LMBRD2: variants seen among roughly 807,000 people sequenced by gnomAD.
LMBRD2 encodes LMBR1 domain containing 2, also known as G protein-coupled receptor-associated protein LMBRD2.
A neutral mutation model predicts 94.4 loss-of-function variants in LMBRD2; 55 were observed. The ratio of observed to expected loss-of-function variants is 0.58; its 90% CI spans 0.47 to 0.73. LMBRD2 has a LOEUF of 0.73. Among genes scored for constraint, LMBRD2 ranks in the 30% least tolerant of loss-of-function variants. The pLI is 0.00. For missense variants in LMBRD2, 640 were observed against 831.9 expected (o/e 0.77, Z 2.84); for synonymous variants, 246 against 272.4 (o/e 0.90, Z 0.95).
In LMBRD2 at chr5:36,151,329, C is replaced by G. The variant is rs36232788; in HGVS notation, c.-58+227G>C. 0.032 allele frequency among the ~76,000 whole-genome samples: 4,947 copies of G among 152,296 alleles called. 277 individuals are homozygous for G. Among genetic ancestry groups the G allele is most frequent in the African/African-American group, 0.11 (4,657 of 41,550 alleles). ...GACCTGTCAAGGCTGCAAGGGCATG[C>G]GCAGCCTTCCCACCACACAGGACCC... is the stretch of plus-strand genomic sequence containing the variant. On this transcript the variant is annotated intron_variant, in intron 1 of 17. Coordinates refer to ENST00000296603, the MANE Select transcript of LMBRD2 (RefSeq NM_001007527.2). The surrounding 1 kb of genome is among the most constrained non-coding windows in gnomAD (Gnocchi z 4.7).
chr5:36,144,314 T>C (rs77302410), intron 1 of LMBRD2, among the ~76,000 whole-genome samples: 4,200 of 152,318 alleles, frequency 0.028, 89 homozygotes, highest in South Asian at 0.055. Context: ...TGTTAGACTT[T>C]TGTTTATCTA....
At chr5:36,134,876 T>C (rs1047016574) in intron 6 of LMBRD2, among the ~76,000 whole-genome samples, 1 of 152,114 alleles carries the variant, frequency 6.6e-6, no homozygotes. Flanking sequence ...AAATAGGAAT[T>C]AGCTGAAGAG....
At chr5:36,143,062 T>A (rs1477790223) in intron 2 of LMBRD2, 114 bp downstream of exon 2, 1 of 780,700 alleles carries the variant, frequency 1.3e-6, no homozygotes, top group Admixed American at 3.0e-5. Context: ...GGCCATATAA[T>A]CTTTTAATTC....
At chr5:36,107,676 A>G (rs1743504547) in intron 16 of LMBRD2, among the ~76,000 whole-genome samples, 1 of 152,148 alleles carries the variant, frequency 6.6e-6, no homozygotes, top group African/African-American at 2.4e-5. Context: ...GGTTTCTCTC[A>G]GTATTCTTTT....
intron 6 of LMBRD2, among the ~76,000 whole-genome samples, chr5:36,125,355 C>T (rs1743984412): frequency 6.6e-6 from 1 of 152,098 alleles, no homozygotes; most frequent in South Asian, 2.1e-4. Context: ...GGATACAAAA[C>T]TCAAGGCGGA....
rs1268504376 is a variant in LMBRD2 at position 36,103,924 on chromosome 5, C to A, written c.*122G>T. 1.4e-5 allele frequency: 9 copies of A among 636,420 alleles called. No individual in the cohort carries two copies. The highest frequency in any genetic ancestry group is 2.6e-5 in the Admixed American group (1 of 37,874). 39.4% of individuals were successfully genotyped at this position (636,420 alleles called of 1,614,324 possible). ...CCTAAGATATAATTAATTCTCAGTGCCTTTTTTGTTATCTTGACACTTTTC... is the reference window on the plus strand; with the variant it reads ...CCTAAGATATAATTAATTCTCAGTGACTTTTTTGTTATCTTGACACTTTTC... On this transcript the variant is annotated 3_prime_UTR_variant, in exon 18 of 18. Transcript: ENST00000296603.
At chr5:36,146,876 TCAAA>T (rs1369454971) in intron 1 of LMBRD2, among the ~76,000 whole-genome samples, 3 of 152,022 alleles carry the variant, frequency 2.0e-5, no homozygotes, top group Non-Finnish European at 2.9e-5. Flanking sequence ...ATCACCATAG[TCAAA>T]CAAATTAACA....
intron 13 of LMBRD2, 27 bp downstream of exon 13, chr5:36,114,397 A>C (rs746303366): frequency 6.5e-7 from 1 of 1,546,706 alleles, no homozygotes; most frequent in Non-Finnish European, 8.6e-7. Context: ...TTAAGAGCAA[A>C]AGAAAAAACA....
At chr5:36,115,889 C>G (rs1477643352) in intron 11 of LMBRD2, among the ~76,000 whole-genome samples, 1 of 152,060 alleles carries the variant, frequency 6.6e-6, no homozygotes, top group Non-Finnish European at 1.5e-5. Flanking sequence ...TCCCATGAGT[C>G]CATAATTATT....
At chr5:36,108,018 G>T (rs1743513212) in intron 16 of LMBRD2, among the ~76,000 whole-genome samples, 1 of 152,130 alleles carries the variant, frequency 6.6e-6, no homozygotes, top group African/African-American at 2.4e-5. Flanking sequence ...TGGGGTCAGT[G>T]ATACAAAGTT....
At chr5:36,129,780 C>A (rs1744090733) in intron 6 of LMBRD2, among the ~76,000 whole-genome samples, 1 of 152,118 alleles carries the variant, frequency 6.6e-6, no homozygotes, top group Non-Finnish European at 1.5e-5. Flanking sequence ...TGAAAAATAA[C>A]CAACCCAAAT....
At chr5:36,112,899 C>A (rs933681270) in intron 13 of LMBRD2, among the ~76,000 whole-genome samples, 2 of 152,124 alleles carry the variant, frequency 1.3e-5, no homozygotes, top group Non-Finnish European at 1.5e-5. Context: ...TAGTTTTAGG[C>A]ACACAAAGTA....
intron 6 of LMBRD2, among the ~76,000 whole-genome samples, chr5:36,129,305 C>T (rs1165256201): frequency 6.6e-6 from 1 of 151,986 alleles, no homozygotes; most frequent in East Asian, 1.9e-4. Flanking sequence ...TATCTCAAGA[C>T]ATTTAATAAT....
At chr5:36,133,002 T>TA (rs34516747) in intron 6 of LMBRD2, among the ~76,000 whole-genome samples, 7,617 of 132,674 alleles carry the variant, frequency 0.057, 283 homozygotes, top group East Asian at 0.14. Flanking sequence ...TCAAAAAAAT[T>TA]AAAAAAAAAA....
At chr5:36,105,632 T>C (rs1485149023) in intron 16 of LMBRD2, among the ~76,000 whole-genome samples, 1 of 152,120 alleles carries the variant, frequency 6.6e-6, no homozygotes, top group East Asian at 1.9e-4. Context: ...AAGGCAAGAG[T>C]ATGGGTAGCA....
intron 6 of LMBRD2, among the ~76,000 whole-genome samples, chr5:36,131,689 C>T (rs929915091): frequency 1.3e-4 from 20 of 151,690 alleles, no homozygotes; most frequent in Non-Finnish European, 1.8e-4. Context: ...ATATGTCAAC[C>T]GTGAACAATT....
Position 36,109,448 on chromosome 5 carries a change from T to C in LMBRD2, c.1791+497A>G, listed in dbSNP as rs953300361. Among the ~76,000 whole-genome samples, 13 of 152,224 alleles carry C rather than the reference T, an allele frequency of 8.5e-5. No individual in the cohort carries two copies. In the East Asian group the frequency reaches 2.1e-3, roughly 25 times the overall value. On this transcript the variant is annotated intron_variant, in intron 15 of 17. Transcript: ENST00000296603. ...TGTTAGTTTTTACTTTGCCAGTATA[T>C]ACACCCATTTGTTAAAAAAATGTGT... is the stretch of plus-strand genomic sequence containing the variant.
chr5:36,122,837 A>G lies in LMBRD2; in HGVS notation c.936+11T>C. 3 of 1,589,132 alleles carry G rather than the reference A, an allele frequency of 1.9e-6. No individual in the cohort carries two copies. Among genetic ancestry groups the G allele is most frequent in the Non-Finnish European group, 2.6e-6 (3 of 1,172,478 alleles). ...ATCATTAAGTAAAATACTTATAATT[A>G]ACAAAGTTACCTGTTTATGCAGTTT... On this transcript the variant is annotated intron_variant, in intron 8 of 17. Transcript: ENST00000296603.
chr5:36,134,708 C>G (rs540656362), intron 6 of LMBRD2, among the ~76,000 whole-genome samples: 2 of 152,210 alleles, frequency 1.3e-5, no homozygotes, highest in East Asian at 3.9e-4. Context: ...GGAACCAACC[C>G]TGCAGATACC....
Sources: gnomAD v4.1 joint callset for allele counts (sites outside exome capture counted in the v4.1 genomes callset) on GRCh38, gnomAD v4.1.1 for gene constraint, Gnocchi (gnomAD v3.1) non-coding constraint, MANE v1.5 for transcripts, NCBI Gene and HGNC (gene_info 2026-07-23, HGNC 2026-07-21) for gene names.